The following WDFY3 variants were observed in gnomAD, a reference collection of about 807,000 sequenced individuals.
The protein encoded by WDFY3 is WD repeat and FYVE domain containing 3, also known as WD repeat and FYVE domain-containing protein 3.
In WDFY3, 66 loss-of-function variants were observed where a neutral mutation model predicts 409.6. The ratio of observed to expected loss-of-function variants is 0.16; its 90% CI spans 0.13 to 0.20. The LOEUF (loss-of-function observed/expected upper bound fraction) is 0.20. WDFY3 is among the 10% of genes least tolerant of loss of function. The pLI, the probability that WDFY3 is intolerant of heterozygous loss-of-function variation, is 1.00. For missense variants in WDFY3, 3,031 were observed against 4,298.1 expected, an observed-to-expected ratio of 0.71 and a Z score of 8.24; for synonymous variants, 1,521 against 1,537.1, an observed-to-expected ratio of 0.99 and a Z score of 0.25.
Position 84,696,712 on chromosome 4 carries a change from G to A in WDFY3, c.8688+20C>T. 1 of 1,609,310 alleles carries A rather than the reference G, an allele frequency of 6.2e-7. No homozygotes were observed. Among genetic ancestry groups the A allele is most frequent in the Non-Finnish European group, 8.5e-7 (1 of 1,176,444 alleles). On this transcript the variant is annotated intron_variant, in intron 57 of 67. Transcript: ENST00000295888. ...GACCAAATGAAATTCAACTTCAATT[G>A]TAAAATGTACTTCCATTACCTCACG...
At chr4:84,747,793 C>T (rs962467863) in intron 36 of WDFY3, among the ~76,000 whole-genome samples, 5 of 152,144 alleles carry the variant, frequency 3.3e-5, no homozygotes, top group Admixed American at 6.6e-5. Context: ...GATGTGTTTG[C>T]TTCCCCTTCT....
At chr4:84,848,208 T>A (rs1364348009) in intron 5 of WDFY3, among the ~76,000 whole-genome samples, 1 of 151,200 alleles carries the variant, frequency 6.6e-6, no homozygotes, top group Non-Finnish European at 1.5e-5. Context: ...CATGTTATTA[T>A]GAAATTTTAG....
chr4:84,822,667 ACAC>A (rs1176742026), intron 10 of WDFY3, among the ~76,000 whole-genome samples: 1 of 152,154 alleles, frequency 6.6e-6, no homozygotes, highest in African/African-American at 2.4e-5. Flanking sequence ...GGCTATGATC[ACAC>A]CACTGCACTT....
intron 4 of WDFY3, among the ~76,000 whole-genome samples, chr4:84,859,855 G>C (rs184907367): frequency 1.3e-3 from 191 of 151,758 alleles, no homozygotes; most frequent in Non-Finnish European, 2.2e-3. Flanking sequence ...GATTACAGGC[G>C]TGAGCCACCA....
chr4:84,790,215 T>C (rs1398105902), intron 21 of WDFY3, among the ~76,000 whole-genome samples: 1 of 151,924 alleles, frequency 6.6e-6, no homozygotes, highest in Non-Finnish European at 1.5e-5. Flanking sequence ...CCAGGTATGG[T>C]GGCGCGCGTC....
intron 3 of WDFY3, among the ~76,000 whole-genome samples, chr4:84,865,609 A>G (rs1761276097): frequency 6.6e-6 from 1 of 152,070 alleles, no homozygotes; most frequent in South Asian, 2.1e-4. Flanking sequence ...TTTTCTATCC[A>G]CTGACTGCCC....
At chr4:84,898,285 A>G (rs189954982) in intron 2 of WDFY3, among the ~76,000 whole-genome samples, 20 of 152,320 alleles carry the variant, frequency 1.3e-4, no homozygotes, top group African/African-American at 4.8e-4. Flanking sequence ...AAAACTTCAT[A>G]TTAAATTTGT....
chr4:84,873,077 T>C (rs1478147042), intron 3 of WDFY3, among the ~76,000 whole-genome samples: 3 of 152,280 alleles, frequency 2.0e-5, no homozygotes, highest in Non-Finnish European at 2.9e-5. Flanking sequence ...AAATTGATTA[T>C]TGGAGTTTGA....
intron 1 of WDFY3, 58 bp downstream of exon 1, chr4:84,966,151 G>C (rs1775705152): frequency 6.6e-6 from 1 of 151,604 alleles, no homozygotes; most frequent in Admixed American, 6.6e-5. Flanking sequence ...GCGCCGGGCC[G>C]AGGCAGCACC....
intron 27 of WDFY3, among the ~76,000 whole-genome samples, chr4:84,778,264 G>C (rs1207101161): frequency 6.6e-6 from 1 of 152,090 alleles, no homozygotes; most frequent in Non-Finnish European, 1.5e-5. Flanking sequence ...CAGCAAATCA[G>C]CTAGTTAGGG....
intron 30 of WDFY3, among the ~76,000 whole-genome samples, chr4:84,766,971 C>T (rs990343529): frequency 2.6e-5 from 4 of 152,142 alleles, no homozygotes; most frequent in African/African-American, 9.7e-5. Context: ...AGTTCTAGGC[C>T]CAGCTCTCCT....
At chr4:84,848,747 T>C (rs928930418) in intron 5 of WDFY3, among the ~76,000 whole-genome samples, 5 of 152,192 alleles carry the variant, frequency 3.3e-5, no homozygotes, top group African/African-American at 1.2e-4. Context: ...GAAGTATCTC[T>C]CCATTTAAAC....
intron 3 of WDFY3, among the ~76,000 whole-genome samples, chr4:84,882,325 A>C (rs1763648048): frequency 6.6e-6 from 1 of 152,148 alleles, no homozygotes. Flanking sequence ...CCACTCCTTG[A>C]AGATGAATCT....
rs1439170546 is a variant in WDFY3, at chr4:84,740,351, C to A, written c.6300G>T (p.Leu2100Phe). The change falls in exon 39 of 68, where the codon TTG (leucine) becomes TTT (phenylalanine). Residue 2100 changes from leucine (L) to phenylalanine (F), a missense_variant. By Grantham distance (22) the Leu-to-Phe change is conservative (BLOSUM62 0). Around this residue, in one of 16 missense-constraint regions of WDFY3, gnomAD observed 314 missense variants for 397.4 expected, o/e 0.79. Transcript: ENST00000295888. ...TTTTGTGTGCCCGTGAGAACTGGTA[C>A]AAGATGGTCCTATTGAGGCAATGAT... ...AVYHCLNRTI[L>F]YQFSRAHKTV... 6.2e-7 allele frequency: 1 copy of A among 1,614,070 alleles called. No individual in the cohort carries two copies. The highest frequency in any genetic ancestry group is 8.5e-7 in the Non-Finnish European group (1 of 1,180,014).
chr4:84,865,372 TCTC>T (rs1454072406), intron 3 of WDFY3, among the ~76,000 whole-genome samples: 2 of 152,180 alleles, frequency 1.3e-5, no homozygotes, highest in Non-Finnish European at 2.9e-5. Flanking sequence ...TCTTCTGAAT[TCTC>T]CTCTCAACTA....
Position 84,860,626 on chromosome 4 carries a change from T to C in WDFY3, c.-31-4A>G, listed in dbSNP as rs2150204447. 14 of 1,560,380 alleles carry C rather than the reference T, an allele frequency of 9.0e-6. No individual in the cohort carries two copies. Among genetic ancestry groups the C allele is most frequent in the Non-Finnish European group, 1.1e-5 (13 of 1,146,546 alleles). On this transcript the variant is annotated splice_polypyrimidine_tract_variant and splice_region_variant and intron_variant, in intron 3 of 67. Transcript: ENST00000295888. Reference sequence around the variant, plus strand: ...TTGGTGAGACGCACTTCTAATTCTGTAGGAAAATGTCAATACATGAACAGT... The same window carrying C: ...TTGGTGAGACGCACTTCTAATTCTGCAGGAAAATGTCAATACATGAACAGT...
At chr4:84,678,869 C>T in intron 65 of WDFY3, 50 bp downstream of exon 65, 1 of 1,548,160 alleles carries the variant, frequency 6.5e-7, no homozygotes, top group Non-Finnish European at 8.8e-7. Flanking sequence ...ATCCACCAAC[C>T]CTCACACCAC....
intron 32 of WDFY3, among the ~76,000 whole-genome samples, chr4:84,765,174 C>T (rs1743416345): frequency 6.6e-6 from 1 of 151,998 alleles, no homozygotes; most frequent in Non-Finnish European, 1.5e-5. Flanking sequence ...TATATATTTT[C>T]CAAAGTAATA....
chr4:84,719,050 T>C (rs1003446242), intron 47 of WDFY3, among the ~76,000 whole-genome samples: 2 of 152,242 alleles, frequency 1.3e-5, no homozygotes, highest in African/African-American at 4.8e-5. Flanking sequence ...GTCAAGTTTC[T>C]TAATTTCTCT....
Sources: gnomAD v4.1 joint callset for allele counts (sites outside exome capture counted in the v4.1 genomes callset) on GRCh38, gnomAD v4.1.1 for gene constraint, gnomAD v4.1.1 regional missense constraint, MANE v1.5 for transcripts, NCBI Gene and HGNC (gene_info 2026-07-23, HGNC 2026-07-21) for gene names.